Variants in TLL2 observed in about 807,000 individuals in gnomAD.
TLL2 encodes the protein tolloid like 2.
A neutral mutation model predicts 123.0 loss-of-function variants in TLL2; 106 were observed. That is an observed-to-expected ratio of 0.86 (90% CI 0.74 to 1.01). The LOEUF is 1.01. TLL2 is among the 50% of genes least tolerant of loss of function. The probability of loss-of-function intolerance (pLI) is 0.00; values close to 1 mark genes in which losing one functional copy is unlikely to be tolerated. For synonymous variants in TLL2, 494 were observed against 516.8 expected (o/e 0.96, Z 0.60); for missense variants, 1,332 against 1,336.7 (o/e 1.00, Z 0.06).
intron 10 of TLL2, among the ~76,000 whole-genome samples, chr10:96,402,177 G>C (rs747543014): frequency 5.9e-5 from 9 of 152,178 alleles, no homozygotes; most frequent in Non-Finnish European, 1.0e-4. Context: ...ACCTGAATGT[G>C]TTCTTACAAA....
At chr10:96,415,681 A>AATGTACAT (rs1453023128) in intron 7 of TLL2, among the ~76,000 whole-genome samples, 3 of 94,160 alleles carry the variant, frequency 3.2e-5, no homozygotes, top group African/African-American at 1.2e-4. Context: ...TGGAAGTGAA[A>AATGTACAT]ATGTACATAT....
At chr10:96,450,845 A>C (rs946278430) in intron 2 of TLL2, among the ~76,000 whole-genome samples, 5 of 151,038 alleles carry the variant, frequency 3.3e-5, no homozygotes, top group African/African-American at 1.2e-4. Flanking sequence ...ATTGCAAGAC[A>C]AAAAAAAAGT....
At chr10:96,374,208 G>T in intron 18 of TLL2, 1 of 210,746 alleles carries the variant, frequency 4.7e-6, no homozygotes, top group South Asian at 9.1e-5. Context: ...GCCAGCAAGG[G>T]CTGAGTGCCC....
intron 1 of TLL2, among the ~76,000 whole-genome samples, chr10:96,484,811 G>A (rs1847342609): frequency 6.6e-6 from 1 of 152,096 alleles, no homozygotes; most frequent in Admixed American, 6.5e-5. Flanking sequence ...ATCCATCCAA[G>A]CTGTCCATAT....
intron 2 of TLL2, among the ~76,000 whole-genome samples, chr10:96,475,670 G>T (rs1847231808): frequency 6.6e-6 from 1 of 152,116 alleles, no homozygotes; most frequent in African/African-American, 2.4e-5. Flanking sequence ...AGGGTTCTGG[G>T]CCCTTCCCCC....
At chr10:96,424,682 C>T (rs554998961) in intron 5 of TLL2, among the ~76,000 whole-genome samples, 17 of 152,044 alleles carry the variant, frequency 1.1e-4, no homozygotes, top group African/African-American at 4.1e-4. Flanking sequence ...TATTTAAGAA[C>T]CCTTTGTAAA....
intron 2 of TLL2, among the ~76,000 whole-genome samples, chr10:96,476,875 C>CACACACACCG (rs1554939734): frequency 6.9e-6 from 1 of 144,432 alleles, no homozygotes; most frequent in Non-Finnish European, 1.5e-5. Context: ...CACACACACA[C>CACACACACCG]ACACACACAC....
At chr10:96,482,269 A>AC (rs1847319161) in intron 1 of TLL2, among the ~76,000 whole-genome samples, 1 of 152,136 alleles carries the variant, frequency 6.6e-6, no homozygotes. Flanking sequence ...AAAAAAAAAA[A>AC]AACGAAAAAA....
In TLL2 at chr10:96,379,000, A is replaced by G. The variant is rs765386571; in HGVS notation, c.2287T>C (p.Trp763Arg). ...CAGTCATGCCCATTCTCGTGGAGCC[A>G]GTAGCCGTTTCTGCACCTGCACAGG... ...SYLCRCRNGY[W>R]LHENGHDCKE... is the part of the protein sequence containing the mutation. The change falls in exon 17 of 21, where the codon TGG (tryptophan) becomes CGG (arginine). Residue 763 changes from tryptophan (W) to arginine (R), a missense_variant. Trp to Arg is a moderately radical substitution (Grantham distance 101). Coordinates refer to ENST00000357947, the MANE Select transcript of TLL2 (RefSeq NM_012465.4). The G allele has an allele frequency of 3.1e-6, 5 of 1,614,220 alleles. No homozygotes were observed. Among genetic ancestry groups the G allele is most frequent in the Middle Eastern group, 1.6e-4 (1 of 6,062 alleles).
At chr10:96,498,876 T>C (rs1469710980) in intron 1 of TLL2, among the ~76,000 whole-genome samples, 1 of 152,188 alleles carries the variant, frequency 6.6e-6, no homozygotes, top group Non-Finnish European at 1.5e-5. Context: ...TGAAGGACTT[T>C]CTGAAGCAGA....
Position 96,366,628 on chromosome 10 carries a change from C to G in TLL2, c.*1460G>C, listed in dbSNP as rs1055945138. On this transcript the variant is annotated 3_prime_UTR_variant, in exon 21 of 21. Coordinates refer to ENST00000357947, the MANE Select transcript of TLL2 (RefSeq NM_012465.4). ...ATCTGTAAAAAATATAACCTTTCAC[C>G]TTTTACATATACTTTGTTTAAAATG... is the stretch of plus-strand genomic sequence containing the variant. 6.6e-6 allele frequency: 1 copy of G among 152,524 alleles called. No homozygotes were observed. Among genetic ancestry groups the G allele is most frequent in the African/African-American group, 2.4e-5 (1 of 41,436 alleles). 9.4% of individuals were successfully genotyped at this position (152,524 alleles called of 1,614,324 possible).
chr10:96,476,857 T>TACACACAC (rs56240059), intron 2 of TLL2, among the ~76,000 whole-genome samples: 10 of 117,262 alleles, frequency 8.5e-5, no homozygotes, highest in South Asian at 3.2e-4. Flanking sequence ...CCTTTTATGT[T>TACACACAC]ACACACACAC....
At chr10:96,473,948 A>C (rs912506038) in intron 2 of TLL2, among the ~76,000 whole-genome samples, 4 of 151,970 alleles carry the variant, frequency 2.6e-5, no homozygotes, top group Non-Finnish European at 5.9e-5. Context: ...AGGTTCAGCC[A>C]CTCTCGTATC....
chr10:96,366,567 C>T lies in TLL2; in HGVS notation c.*1521G>A, dbSNP rs1846029969. 6.6e-6 allele frequency: 1 copy of T among 152,638 alleles called. No homozygotes were observed. The highest frequency in any genetic ancestry group is 2.1e-4 in the South Asian group (1 of 4,834). 9.5% of individuals were successfully genotyped at this position (152,638 alleles called of 1,614,324 possible). A position where few individuals can be genotyped will look rare whatever the true frequency, so the allele number is the denominator to read the frequency against. On this transcript the variant is annotated 3_prime_UTR_variant, in exon 21 of 21. Transcript: ENST00000357947. The stretch of plus-strand genomic sequence containing the variant: ...TTCTAGTTTTTGCTCCCAGCAATCA[C>T]TTTAATGAGACACAGTCCTCTGGTG...
intron 5 of TLL2, among the ~76,000 whole-genome samples, chr10:96,427,159 G>A (rs943026698): frequency 6.6e-6 from 1 of 152,062 alleles, no homozygotes; most frequent in Non-Finnish European, 1.5e-5. Flanking sequence ...ACCAGCTAAT[G>A]TTTATTCTAT....
intron 7 of TLL2, 45 bp downstream of exon 7, chr10:96,420,911 G>C: frequency 6.4e-6 from 10 of 1,570,772 alleles, no homozygotes; most frequent in Non-Finnish European, 7.9e-6. Context: ...CAAGCCTGCC[G>C]CAGGCACAGT....
rs1409523737 is a variant in TLL2, at chr10:96,366,265, T to C, written c.*1823A>G. The C allele has an allele frequency of 6.6e-6, 1 of 152,572 alleles. No homozygotes were observed. The highest frequency in any genetic ancestry group is 1.5e-5 in the Non-Finnish European group (1 of 68,036). 9.5% of individuals were successfully genotyped at this position (152,572 alleles called of 1,614,324 possible). A position where few individuals can be genotyped will look rare whatever the true frequency, so the allele number is the denominator to read the frequency against. ...TGGGCAGGGTCTGCCATATGCACAA[T>C]ATGAGCGTGTAGGCTGAGCCTCAGT... On this transcript the variant is annotated 3_prime_UTR_variant, in exon 21 of 21. Transcript: ENST00000357947.
At chr10:96,500,804 C>T (rs76026881) in intron 1 of TLL2, among the ~76,000 whole-genome samples, 359 of 12,976 alleles carry the variant, frequency 0.028, no homozygotes, top group Non-Finnish European at 0.041. Context: ...GAGGGAGGGA[C>T]GGAGGGAGGG....
In TLL2 at chr10:96,480,339, C is replaced by T; in HGVS notation, c.286+10G>A. 1 of 1,611,594 alleles carries T rather than the reference C, an allele frequency of 6.2e-7. No homozygotes were observed. The highest frequency in any genetic ancestry group is 8.5e-7 in the Non-Finnish European group (1 of 1,177,690). ...CATCTGGGCAGGAGAAGGGAGGAAG[C>T]AGTACCTACCTGTGCTGTGTCCTGT... On this transcript the variant is annotated intron_variant, in intron 2 of 20. Transcript: ENST00000357947.
Sources: gnomAD v4.1 joint callset for allele counts (sites outside exome capture counted in the v4.1 genomes callset) on GRCh38, gnomAD v4.1.1 for gene constraint, MANE v1.5 for transcripts, NCBI Gene and HGNC (gene_info 2026-07-23, HGNC 2026-07-21) for gene names.